SEPTIN9: variants seen among roughly 807,000 people sequenced by gnomAD.
SEPTIN9 encodes septin-9.
A neutral mutation model predicts 56.6 loss-of-function variants in SEPTIN9; 13 were observed. The observed-to-expected ratio is 0.23, with a 90% CI of 0.15 to 0.37. The LOEUF is 0.37. Ranked by LOEUF, SEPTIN9 falls within the 10% of genes least tolerant of loss-of-function variation. The pLI is 1.00. For missense variants in SEPTIN9, 650 were observed against 823.1 expected, an observed-to-expected ratio of 0.79 and a Z score of 2.57; for synonymous variants, 332 against 334.1, an observed-to-expected ratio of 0.99 and a Z score of 0.07.
intron 1 of SEPTIN9, chr17:77,294,653 A>C (rs922435940): frequency 1.3e-5 from 2 of 153,904 alleles, no homozygotes; most frequent in African/African-American, 4.8e-5. Context: ...TTCTAACTGC[A>C]TATGAGGCAT....
Position 77,451,261 on chromosome 17 carries a change from C to G in SEPTIN9, c.722-30883C>G. 6.5e-6 allele frequency: 4 copies of G among 618,448 alleles called. No homozygotes were observed. Among genetic ancestry groups the G allele is most frequent in the Non-Finnish European group, 8.1e-6 (4 of 494,382 alleles). The allele number at this position is 618,448 out of a possible 1,614,324, so 38.3% of individuals were successfully genotyped here. ...TCCCTCCCGTGCCTTCAGGTTGCTTCTGCGCCGGGCCTGCCGCTGGGCGCC... is the reference window on the plus strand; with the variant it reads ...TCCCTCCCGTGCCTTCAGGTTGCTTGTGCGCCGGGCCTGCCGCTGGGCGCC... On this transcript the variant is annotated intron_variant, in intron 3 of 11. Transcript: ENST00000427177. This position sits in a 1 kb window ranked among gnomAD's most constrained non-coding sequence, Gnocchi z 4.2.
At chr17:77,300,175 G>A (rs989345448) in intron 1 of SEPTIN9, among the ~76,000 whole-genome samples, 3 of 152,128 alleles carry the variant, frequency 2.0e-5, no homozygotes, top group Non-Finnish European at 2.9e-5. Context: ...TTGGCTCACT[G>A]CAGCCTCCAC....
chr17:77,364,082 T>C (rs1413126098), intron 2 of SEPTIN9, among the ~76,000 whole-genome samples: 1 of 152,128 alleles, frequency 6.6e-6, no homozygotes, highest in African/African-American at 2.4e-5. Context: ...AAATGGTTCA[T>C]TTAGGTTGAT....
intron 3 of SEPTIN9, among the ~76,000 whole-genome samples, chr17:77,468,741 C>A (rs1285292473): frequency 6.6e-6 from 1 of 152,170 alleles, no homozygotes; most frequent in Non-Finnish European, 1.5e-5. Context: ...AGAGGGAAAT[C>A]ATCAGATTAG....
intron 2 of SEPTIN9, chr17:77,373,367 G>C (rs1345035265): frequency 8.3e-7 from 1 of 1,206,672 alleles, no homozygotes; most frequent in East Asian, 3.6e-5. Context: ...GGGCCTAGGG[G>C]CTCCTCCGGC....
intron 2 of SEPTIN9, among the ~76,000 whole-genome samples, chr17:77,334,134 A>G (rs1951695768): frequency 6.6e-6 from 1 of 152,148 alleles, no homozygotes; most frequent in African/African-American, 2.4e-5. Flanking sequence ...CATTTAAAAA[A>G]AAAATTGGCC....
Position 77,288,609 on chromosome 17 carries a change from C to T in SEPTIN9, c.19+7055C>T, listed in dbSNP as rs149429770. ...TATGGCTCCTGTTTCCATCCCAAAT[C>T]AGATCCCAGAAGAGGAATAATGTCC... On this transcript the variant is annotated intron_variant, in intron 1 of 11. Coordinates refer to ENST00000427177, the MANE Select transcript of SEPTIN9 (RefSeq NM_001113491.2). 3.6e-3 allele frequency among the ~76,000 whole-genome samples: 553 copies of T among 152,370 alleles called. 2 individuals are homozygous for T. Among genetic ancestry groups the T allele is most frequent in the African/African-American group, 0.012 (518 of 41,590 alleles).
Position 77,449,920 on chromosome 17 carries a change from T to C in SEPTIN9, c.722-32224T>C, listed in dbSNP as rs988041886. ...GATGGGGAAGGTCAAATTCCACAGATATTGAGTGACAGGCCCAGGGCCTTG... is the reference window on the plus strand; with the variant it reads ...GATGGGGAAGGTCAAATTCCACAGACATTGAGTGACAGGCCCAGGGCCTTG... On this transcript the variant is annotated intron_variant, in intron 3 of 11. Coordinates refer to ENST00000427177, the MANE Select transcript of SEPTIN9 (RefSeq NM_001113491.2). The surrounding 1 kb of genome is among the most constrained non-coding windows in gnomAD (Gnocchi z 4.6). Among the ~76,000 whole-genome samples, 4 of 152,150 alleles carry C rather than the reference T, an allele frequency of 2.6e-5. No individual in the cohort carries two copies. The highest frequency in any genetic ancestry group is 5.9e-5 in the Non-Finnish European group (4 of 68,012).
chr17:77,454,152 C>T (rs2038093065), intron 3 of SEPTIN9: 1 of 985,758 alleles, frequency 1.0e-6, no homozygotes, highest in Non-Finnish European at 1.2e-6. Context: ...CTCTGCAGCC[C>T]TCACCTTAAC....
intron 8 of SEPTIN9, among the ~76,000 whole-genome samples, chr17:77,491,257 C>G (rs1168449757): frequency 6.6e-6 from 1 of 151,840 alleles, no homozygotes; most frequent in Non-Finnish European, 1.5e-5. Context: ...GGCTCAGTTG[C>G]CAAGGTTGCA....
At chr17:77,407,619 G>T (rs1179381551) in intron 3 of SEPTIN9, among the ~76,000 whole-genome samples, 1 of 152,154 alleles carries the variant, frequency 6.6e-6, no homozygotes, top group Non-Finnish European at 1.5e-5. Context: ...GGTTGAAGGG[G>T]AGGGAGAGGA....
rs1417668657 is a variant in SEPTIN9, at chr17:77,499,060, C to A, written c.*402C>A. 1 of 536,642 alleles carries A rather than the reference C, an allele frequency of 1.9e-6. No individual in the cohort carries two copies. Among genetic ancestry groups the A allele is most frequent in the East Asian group, 3.9e-5 (1 of 25,706 alleles). 33.2% of individuals were successfully genotyped at this position (536,642 alleles called of 1,614,324 possible). On this transcript the variant is annotated 3_prime_UTR_variant, in exon 12 of 12. Transcript: ENST00000427177. The stretch of plus-strand genomic sequence containing the variant: ...TTGCAGAGGAGCCCAGTGGGCTGCA[C>A]GCTCCCCTCCATCCCCATCGGCCCT...
intron 2 of SEPTIN9, among the ~76,000 whole-genome samples, chr17:77,336,958 G>A (rs1011988707): frequency 3.5e-5 from 5 of 143,022 alleles, no homozygotes; most frequent in African/African-American, 1.0e-4. Flanking sequence ...TCTTTTATTC[G>A]TTTAATAGGA....
intron 3 of SEPTIN9, among the ~76,000 whole-genome samples, chr17:77,448,696 T>A (rs964478075): frequency 6.6e-6 from 1 of 152,178 alleles, no homozygotes; most frequent in African/African-American, 2.4e-5. Flanking sequence ...ACATGTTGAA[T>A]TGATAATATT....
At chr17:77,396,060 G>T (rs759547581) in intron 2 of SEPTIN9, among the ~76,000 whole-genome samples, 13 of 152,186 alleles carry the variant, frequency 8.5e-5, no homozygotes, top group Non-Finnish European at 1.9e-4. Context: ...GGGAGCTTGC[G>T]AGATTGGAGT....
chr17:77,383,019 A>T (rs1309691810), intron 2 of SEPTIN9, among the ~76,000 whole-genome samples: 1 of 152,028 alleles, frequency 6.6e-6, no homozygotes, highest in Non-Finnish European at 1.5e-5. Context: ...GGCCACAGCA[A>T]GGCCAGGCTG....
chr17:77,469,804 CCCACCCAT>C (rs201980437), intron 3 of SEPTIN9: 6 of 142,192 alleles, frequency 4.2e-5, no homozygotes, highest in South Asian at 4.5e-4. Context: ...CATCCACGCA[CCCACCCAT>C]CCACCCATCC....
At chr17:77,431,830 C>CA (rs61461406) in intron 3 of SEPTIN9, among the ~76,000 whole-genome samples, 1,921 of 53,622 alleles carry the variant, frequency 0.036, 46 homozygotes, top group East Asian at 0.078. Flanking sequence ...AATGCTGTCT[C>CA]AAAAAAAAAA....
intron 2 of SEPTIN9, chr17:77,320,041 C>T (rs2032851045): frequency 7.2e-7 from 1 of 1,379,746 alleles, no homozygotes; most frequent in African/African-American, 1.5e-5. Flanking sequence ...CTCCTGCCTC[C>T]TATTTTTGGA....
Sources: gnomAD v4.1 joint callset for allele counts (sites outside exome capture counted in the v4.1 genomes callset) on GRCh38, gnomAD v4.1.1 for gene constraint, Gnocchi (gnomAD v3.1) non-coding constraint, MANE v1.5 for transcripts, NCBI Gene and HGNC (gene_info 2026-07-23, HGNC 2026-07-21) for gene names.